The following PHF3 variants were observed in gnomAD, a reference collection of about 807,000 sequenced individuals.
PHF3 encodes the protein PHD finger protein 3.
Under a neutral mutation model 178.4 loss-of-function variants are expected in PHF3, and 41 were observed. The ratio of observed to expected loss-of-function variants is 0.23; its 90% CI spans 0.18 to 0.30. PHF3 has a LOEUF of 0.30. PHF3 is among the 10% of genes least tolerant of loss of function. The pLI, the probability that PHF3 is intolerant of heterozygous loss-of-function variation, is 1.00. For synonymous variants in PHF3, 842 were observed against 800.5 expected, an observed-to-expected ratio of 1.05 and a Z score of -0.88; for missense variants, 2,346 against 2,398.1, an observed-to-expected ratio of 0.98 and a Z score of 0.45.
intron 5 of PHF3, among the ~76,000 whole-genome samples, chr6:63,694,091 A>G (rs773921958): frequency 1.6e-4 from 24 of 152,166 alleles, no homozygotes; most frequent in Non-Finnish European, 3.1e-4. Flanking sequence ...GGATGTGATT[A>G]ATTTCTCCCA....
chr6:63,658,008 T>A (rs1372529131), intron 2 of PHF3, among the ~76,000 whole-genome samples: 1 of 152,196 alleles, frequency 6.6e-6, no homozygotes, highest in Non-Finnish European at 1.5e-5. Flanking sequence ...TCAATTTAAG[T>A]TCAGGGTTAA....
In PHF3 at chr6:63,717,991, G is replaced by A. The variant is rs1430348284; in HGVS notation, c.*4283G>A. ...TTCTGTAGCCAATCATTTTTATTTC[G>A]TACTGGAAAAGCATTTCACATAGGA... On this transcript the variant is annotated 3_prime_UTR_variant, in exon 16 of 16. Coordinates refer to ENST00000262043, the MANE Select transcript of PHF3 (RefSeq NM_001370348.2). 1.3e-5 allele frequency among the ~76,000 whole-genome samples: 2 copies of A among 151,768 alleles called. No homozygotes were observed. The highest frequency in any genetic ancestry group is 1.9e-4 in the East Asian group (1 of 5,192).
At position 63,722,068 on chromosome 6, in the gene PHF3, G is replaced by A. The variant is rs1426566717; in HGVS notation, c.*8360G>A. 6.6e-6 allele frequency among the ~76,000 whole-genome samples: 1 copy of A among 152,074 alleles called. No individual in the cohort carries two copies. Among genetic ancestry groups the A allele is most frequent in the Non-Finnish European group, 1.5e-5 (1 of 67,996 alleles). ...ATATTGTGGTAGTAAGTTAAAGTGA[G>A]GTTTTTCTTCAAATGAAAGCCTGTT... is the stretch of plus-strand genomic sequence containing the variant. On this transcript the variant is annotated 3_prime_UTR_variant, in exon 16 of 16. Transcript: ENST00000262043.
At chr6:63,640,843 C>T (rs1354277923) in intron 1 of PHF3, among the ~76,000 whole-genome samples, 1 of 152,026 alleles carries the variant, frequency 6.6e-6, no homozygotes, top group East Asian at 1.9e-4. Flanking sequence ...ACATTTTTGG[C>T]TGGATAATTT....
At chr6:63,666,528 C>G (rs962341016) in intron 2 of PHF3, among the ~76,000 whole-genome samples, 3 of 151,664 alleles carry the variant, frequency 2.0e-5, no homozygotes, top group African/African-American at 7.3e-5. Context: ...TCCAGGACTT[C>G]TCCCTGCCAC....
chr6:63,637,628 A>T (rs1764399424), intron 1 of PHF3, among the ~76,000 whole-genome samples: 2 of 36,608 alleles, frequency 5.5e-5, no homozygotes, highest in Non-Finnish European at 1.1e-4. Context: ...TACCATAATG[A>T]TTCTTTCCTT....
At chr6:63,655,638 T>C (rs1765200864) in intron 2 of PHF3, among the ~76,000 whole-genome samples, 1 of 152,248 alleles carries the variant, frequency 6.6e-6, no homozygotes, top group South Asian at 2.1e-4. Context: ...GTAGGCTTTA[T>C]GTATTTCATA....
chr6:63,695,548 T>C (rs1342311233), intron 6 of PHF3, among the ~76,000 whole-genome samples: 1 of 152,204 alleles, frequency 6.6e-6, no homozygotes, highest in Non-Finnish European at 1.5e-5. Context: ...CCTTTGGGGC[T>C]ATGGCAGAGT....
In PHF3 at chr6:63,684,980, A is replaced by C. The variant is rs561539302; in HGVS notation, c.1258A>C (p.Asn420His). ...GGAGAGCACTGAGTTTAATAAATCA[A>C]ACTTAGAGGTGGTTGATACTAGTAC... is the stretch of plus-strand genomic sequence containing the variant. Reference protein sequence around the residue: ...QLESTEFNKSNLEVVDTSTFG... With the variant: ...QLESTEFNKSHLEVVDTSTFG... The change falls in exon 4 of 16, where the codon AAC becomes CAC. Residue 420 changes from asparagine (N) to histidine (H), a missense_variant. This residue lies in a region of PHF3 where 843 missense variants were observed against 795.2 expected (regional missense o/e 1.06). Transcript: ENST00000262043. The C allele has an allele frequency of 1.2e-6, 2 of 1,613,986 alleles. No individual in the cohort carries two copies. Among genetic ancestry groups the C allele is most frequent in the African/African-American group, 2.7e-5 (2 of 74,914 alleles).
At position 63,694,821 on chromosome 6, in the gene PHF3, A is replaced by G. The variant is rs1034171611; in HGVS notation, c.2680+57A>G. The G allele has an allele frequency of 8.1e-6, 8 of 991,766 alleles. No homozygotes were observed. In the African/African-American group the frequency reaches 1.2e-4, roughly 15 times the overall value. 61.4% of individuals were successfully genotyped at this position (991,766 alleles called of 1,614,324 possible). The stretch of plus-strand genomic sequence containing the variant: ...AATATATTTATATCTTATTTAAGAT[A>G]CAATTAATTAGTATACTTAGGGAAT... On this transcript the variant is annotated intron_variant, in intron 6 of 15. Transcript: ENST00000262043.
chr6:63,691,423 GT>G (rs1766994390), intron 4 of PHF3, among the ~76,000 whole-genome samples: 3 of 151,902 alleles, frequency 2.0e-5, no homozygotes, highest in Admixed American at 2.0e-4. Context: ...TCTATACTTT[GT>G]TATTGTTTAT....
chr6:63,688,578 G>A (rs931362124), intron 4 of PHF3, among the ~76,000 whole-genome samples: 6 of 151,298 alleles, frequency 4.0e-5, no homozygotes, highest in Admixed American at 6.6e-5. Flanking sequence ...CAGGTGATCC[G>A]CCCGCCTCAG....
intron 2 of PHF3, among the ~76,000 whole-genome samples, chr6:63,657,116 G>A (rs1213604536): frequency 1.3e-5 from 2 of 152,056 alleles, no homozygotes; most frequent in Non-Finnish European, 2.9e-5. Flanking sequence ...TGCTTTTTAC[G>A]TATTTCTTGT....
chr6:63,709,362 A>G, intron 14 of PHF3, 122 bp downstream of exon 14: 6 of 701,784 alleles, frequency 8.5e-6, no homozygotes, highest in Non-Finnish European at 1.5e-5. Context: ...TTTTAAGTCT[A>G]TGTAATATAC....
At chr6:63,678,400 A>T (rs1766277364) in intron 2 of PHF3, among the ~76,000 whole-genome samples, 1 of 152,130 alleles carries the variant, frequency 6.6e-6, no homozygotes, top group South Asian at 2.1e-4. Flanking sequence ...TCTAAAGCAT[A>T]TTCTCCTCCA....
chr6:63,645,408 A>G (rs550038397), intron 1 of PHF3, among the ~76,000 whole-genome samples: 41 of 152,296 alleles, frequency 2.7e-4, no homozygotes, highest in African/African-American at 9.4e-4. Flanking sequence ...TAAATTATAT[A>G]AATGTTGGTT....
At chr6:63,664,867 A>G (rs1355527855) in intron 2 of PHF3, among the ~76,000 whole-genome samples, 1 of 152,032 alleles carries the variant, frequency 6.6e-6, no homozygotes. Context: ...AATAACTACA[A>G]TAATAGAAAT....
At chr6:63,681,548 A>G (rs970883987) in intron 3 of PHF3, among the ~76,000 whole-genome samples, 3 of 151,892 alleles carry the variant, frequency 2.0e-5, no homozygotes, top group Admixed American at 2.0e-4. Context: ...TTTATCCTCC[A>G]ACTTTTCAGT....
chr6:63,715,134 A>T lies in PHF3; in HGVS notation c.*1426A>T, dbSNP rs1356045606. The T allele has an allele frequency of 6.6e-6, 1 of 152,164 alleles. No individual in the cohort carries two copies. Among genetic ancestry groups the T allele is most frequent in the African/African-American group, 2.4e-5 (1 of 41,462 alleles). The allele number at this position is 152,164 out of a possible 1,614,324, so 9.4% of individuals were successfully genotyped here. On this transcript the variant is annotated 3_prime_UTR_variant, in exon 16 of 16. Transcript: ENST00000262043. ...TAGAGTTAAAAATTGGTTTTGAAAC[A>T]GAATTATCCTTGTTATTTTTGCTGG...
Sources: gnomAD v4.1 joint callset for allele counts (sites outside exome capture counted in the v4.1 genomes callset) on GRCh38, gnomAD v4.1.1 for gene constraint, gnomAD v4.1.1 regional missense constraint, MANE v1.5 for transcripts, NCBI Gene and HGNC (gene_info 2026-07-23, HGNC 2026-07-21) for gene names.